The following PNPLA7 variants were observed in gnomAD, a reference collection of about 807,000 sequenced individuals.
PNPLA7 encodes the protein patatin-like phospholipase domain-containing protein 7.
Under a neutral mutation model 161.7 loss-of-function variants are expected in PNPLA7, and 153 were observed. The observed-to-expected ratio is 0.95, with a 90% CI of 0.83 to 1.08. The LOEUF is 1.08. PNPLA7 is among the 50% of genes least tolerant of loss of function. PNPLA7 has a pLI of 0.00. For synonymous variants in PNPLA7, 809 were observed against 782.1 expected (o/e 1.03, Z -0.57); for missense variants, 1,739 against 1,856.6 (o/e 0.94, Z 1.16).
intron 12 of PNPLA7, among the ~76,000 whole-genome samples, chr9:137,510,731 C>T (rs1191056365): frequency 5.3e-5 from 8 of 152,214 alleles, no homozygotes; most frequent in Non-Finnish European, 1.2e-4. Context: ...TCGCCGCACA[C>T]AGGGAGAGAC....
At chr9:137,479,511 A>G (rs1832104558) in intron 23 of PNPLA7, 4 of 1,181,132 alleles carry the variant, frequency 3.4e-6, no homozygotes, top group Non-Finnish European at 4.2e-6. Flanking sequence ...ATAAACACAC[A>G]CAGCAACCTT....
At chr9:137,512,836 G>A (rs1195309616) in intron 12 of PNPLA7, among the ~76,000 whole-genome samples, 2 of 151,856 alleles carry the variant, frequency 1.3e-5, no homozygotes, top group Middle Eastern at 3.4e-3. Context: ...GCAGTGGTGT[G>A]CCTGTACTCC....
At position 137,478,930 on chromosome 9, in the gene PNPLA7, C is replaced by T. The variant is rs960898374; in HGVS notation, c.2763+126G>A. The T allele has an allele frequency of 3.1e-6, 4 of 1,275,388 alleles. No homozygotes were observed. In the Admixed American group the frequency reaches 1.2e-4, roughly 38 times the overall value. The allele number at this position is 1,275,388 out of a possible 1,614,324, so 79.0% of individuals were successfully genotyped here. On this transcript the variant is annotated intron_variant, in intron 24 of 34. Coordinates refer to ENST00000406427, the MANE Select transcript of PNPLA7 (RefSeq NM_001098537.3). ...GAGACGTGAGGCAGGGTCACGTTCA[C>T]AAGCACAGGAAGGGCCCAGGAGCGC... is the stretch of plus-strand genomic sequence containing the variant.
At chr9:137,549,033 A>T (rs1836698216) in intron 1 of PNPLA7, among the ~76,000 whole-genome samples, 1 of 152,238 alleles carries the variant, frequency 6.6e-6, no homozygotes, top group Non-Finnish European at 1.5e-5. Flanking sequence ...TTATCCAAGG[A>T]AGGCCTATCA....
chr9:137,547,602 C>T lies in PNPLA7; in HGVS notation c.88G>A (p.Gly30Ser). ...HSWGLWFTEE[G>S]SPSTMLTGIA... is the part of the protein sequence containing the mutation. ...GTGATTACCATGGTGGACGGTGAAC[C>T]TTCCTCCGTGAACCACAGTCCCCAA... Residue 30 changes from glycine (G) to serine (S), a missense_variant, in exon 2 of 35, where the codon GGT (glycine) becomes AGT (serine). Physicochemically the swap from Gly to Ser is moderately conservative, Grantham distance 56. This residue lies in a region of PNPLA7 where 209 missense variants were observed against 252.8 expected (regional missense o/e 0.83). Transcript: ENST00000406427. The surrounding 1 kb of genome is among the most constrained non-coding windows in gnomAD (Gnocchi z 4.6). 1 of 1,613,278 alleles carries T rather than the reference C, an allele frequency of 6.2e-7. No homozygotes were observed. Among genetic ancestry groups the T allele is most frequent in the South Asian group, 1.1e-5 (1 of 91,088 alleles).
intron 21 of PNPLA7, among the ~76,000 whole-genome samples, chr9:137,481,291 G>C (rs1221841428): frequency 6.6e-6 from 1 of 152,162 alleles, no homozygotes; most frequent in Non-Finnish European, 1.5e-5. Context: ...GCCTCGGGTA[G>C]CCTCTCTGAG....
chr9:137,467,573 G>A lies in PNPLA7; in HGVS notation c.2883-100C>T. The A allele has an allele frequency of 6.9e-7, 1 of 1,440,040 alleles. No individual in the cohort carries two copies. Among genetic ancestry groups the A allele is most frequent in the Non-Finnish European group, 9.4e-7 (1 of 1,064,346 alleles). The allele number at this position is 1,440,040 out of a possible 1,614,324, so 89.2% of individuals were successfully genotyped here. Reference sequence around the variant, plus strand: ...TCCTCAGTTCCCAACTCCTCCACAGGCAGAGACGCTGACGCAGAGAGGGAC... The same window carrying A: ...TCCTCAGTTCCCAACTCCTCCACAGACAGAGACGCTGACGCAGAGAGGGAC... On this transcript the variant is annotated intron_variant, in intron 25 of 34. Coordinates refer to ENST00000406427, the MANE Select transcript of PNPLA7 (RefSeq NM_001098537.3). The surrounding 1 kb of genome is among the most constrained non-coding windows in gnomAD (Gnocchi z 5.1).
chr9:137,519,998 C>T lies in PNPLA7; in HGVS notation c.1003G>A (p.Gly335Arg), dbSNP rs927180919. The T allele has an allele frequency of 7.4e-6, 12 of 1,612,744 alleles. No homozygotes were observed. The highest frequency in any genetic ancestry group is 2.2e-5 in the East Asian group (1 of 44,888). The change falls in exon 11 of 35, where the codon GGG (glycine) becomes AGG (arginine). Residue 335 changes from glycine to arginine, a missense_variant. This residue lies in a region of PNPLA7 where 152 missense variants were observed against 193.5 expected (regional missense o/e 0.79). Coordinates refer to ENST00000406427, the MANE Select transcript of PNPLA7 (RefSeq NM_001098537.3). ...PLVSVASVAA[G>R]KAKKQVFYGE... ...TAGAACACCTGCTTCTTGGCCTTCCCGGCAGCCACACTGGCTACAGACACG... is the reference window on the plus strand; with the variant it reads ...TAGAACACCTGCTTCTTGGCCTTCCTGGCAGCCACACTGGCTACAGACACG...
At chr9:137,481,383 A>T (rs545766708) in intron 21 of PNPLA7, among the ~76,000 whole-genome samples, 1 of 152,308 alleles carries the variant, frequency 6.6e-6, no homozygotes, top group East Asian at 1.9e-4. Context: ...GTGCGATGGG[A>T]GATAACGTAA....
At position 137,505,779 on chromosome 9, in the gene PNPLA7, A is replaced by G. The variant is rs1490236555; in HGVS notation, c.1327-19T>C. 1 of 1,612,522 alleles carries G rather than the reference A, an allele frequency of 6.2e-7. No homozygotes were observed. The highest frequency in any genetic ancestry group is 2.2e-5 in the East Asian group (1 of 44,868). ...TCCTGGACTGGAGAAGAACGGAGAT[A>G]CCGGCAATTCGAAGGGATGTGGTTG... On this transcript the variant is annotated intron_variant, in intron 13 of 34. Transcript: ENST00000406427.
At chr9:137,546,956 C>T in intron 3 of PNPLA7, 47 bp from the exon 4 acceptor site, 1 of 1,576,080 alleles carries the variant, frequency 6.3e-7, no homozygotes, top group Non-Finnish European at 8.7e-7. Flanking sequence ...GTGGCACAGG[C>T]CTGGTCCTGG....
rs768791810 is a variant in PNPLA7 at position 137,498,102 on chromosome 9, C to T, written c.1889+12G>A. On this transcript the variant is annotated intron_variant, in intron 17 of 34. Transcript: ENST00000406427. Reference sequence around the variant, plus strand: ...AGCATGGATGCGGAGTGTGTGGCACCCACGGCCTCACCTGTATATTGCTCG... The same window carrying T: ...AGCATGGATGCGGAGTGTGTGGCACTCACGGCCTCACCTGTATATTGCTCG... 3.7e-6 allele frequency: 6 copies of T among 1,611,856 alleles called. No homozygotes were observed. The highest frequency in any genetic ancestry group is 1.7e-5 in the Admixed American group (1 of 59,998).
In PNPLA7 at chr9:137,521,628, T is replaced by G; in HGVS notation, c.957+8A>C. 6.2e-7 allele frequency: 1 copy of G among 1,612,122 alleles called. No homozygotes were observed. ...AGCATGGGGCTTTGTGAGGTGGTTT[T>G]CACTTACAGCGTTGAAGAGCTCTGT... is the stretch of plus-strand genomic sequence containing the variant. On this transcript the variant is annotated splice_region_variant and intron_variant, in intron 10 of 34. Transcript: ENST00000406427.
At position 137,498,480 on chromosome 9, in the gene PNPLA7, T is replaced by A. The variant is rs1035751371; in HGVS notation, c.1758-235A>T. Among the ~76,000 whole-genome samples, 7 of 152,324 alleles carry A rather than the reference T, an allele frequency of 4.6e-5. No individual in the cohort carries two copies. In the East Asian group the frequency reaches 9.7e-4, roughly 21 times the overall value. The stretch of plus-strand genomic sequence containing the variant: ...CTGTTGGGGAGCCCAGAGAGCCCCC[T>A]CCTGGCAGGCCCGCGAGTGCCCCTT... On this transcript the variant is annotated intron_variant, in intron 16 of 34. Transcript: ENST00000406427.
intron 26 of PNPLA7, chr9:137,464,672 A>G: frequency 1.7e-6 from 1 of 577,334 alleles, no homozygotes; most frequent in South Asian, 2.0e-5. Context: ...GACACAGCCC[A>G]CCCTCGGTCC....
rs772641994 is a variant in PNPLA7, at chr9:137,540,623, C to T, written c.747+19G>A. 8 of 1,602,580 alleles carry T rather than the reference C, an allele frequency of 5.0e-6. No individual in the cohort carries two copies. The African/African-American group carries it at 6.7e-5, about 13-fold the overall frequency. On this transcript the variant is annotated intron_variant, in intron 8 of 34. Transcript: ENST00000406427. This position sits in a 1 kb window ranked among gnomAD's most constrained non-coding sequence, Gnocchi z 5.1. ...GCCAACCCAGGGGCGCCCGGAGGGC[C>T]AGGCAGCGGGGGACTCACGGTGATG...
In PNPLA7 at chr9:137,542,728, C is replaced by A. The variant is rs776716258; in HGVS notation, c.580G>T (p.Gly194Trp). The A allele has an allele frequency of 6.2e-7, 1 of 1,613,756 alleles. No individual in the cohort carries two copies. Among genetic ancestry groups the A allele is most frequent in the Non-Finnish European group, 8.5e-7 (1 of 1,180,024 alleles). ...KHIVFVQLQE[G>W]EHVFQPREPD... ...TCCCTGGGCTGGAAGACGTGCTCCC[C>A]TTCCTGCAGCTGCACAAAGACGATG... The change falls in exon 7 of 35, where the codon GGG becomes TGG. Residue 194 changes from glycine to tryptophan, a missense_variant. Gly to Trp is a radical substitution (Grantham distance 184, BLOSUM62 -2). This residue lies in a region of PNPLA7 where 209 missense variants were observed against 252.8 expected (regional missense o/e 0.83). Transcript: ENST00000406427.
intron 21 of PNPLA7, among the ~76,000 whole-genome samples, chr9:137,482,278 G>A (rs1387056921): frequency 4.6e-5 from 7 of 152,218 alleles, no homozygotes; most frequent in Admixed American, 1.3e-4. Flanking sequence ...ACAGAAGCAC[G>A]CACACAGGTG....
chr9:137,462,429 G>C, intron 30 of PNPLA7, 98 bp from the exon 31 acceptor site: 3 of 1,504,662 alleles, frequency 2.0e-6, no homozygotes, highest in Non-Finnish European at 2.7e-6. Context: ...CCATCCTCTG[G>C]GGTAGGTAGG....
Sources: gnomAD v4.1 joint callset for allele counts (sites outside exome capture counted in the v4.1 genomes callset) on GRCh38, gnomAD v4.1.1 for gene constraint, gnomAD v4.1.1 regional missense constraint, Gnocchi (gnomAD v3.1) non-coding constraint, MANE v1.5 for transcripts, NCBI Gene and HGNC (gene_info 2026-07-23, HGNC 2026-07-21) for gene names.